HELZ: variants seen among roughly 807,000 people sequenced by gnomAD.
HELZ encodes the protein helicase with zinc finger, also known as ATP-dependent RNA helicase with zinc finger domain.
A neutral mutation model predicts 218.2 loss-of-function variants in HELZ; 23 were observed. The observed-to-expected ratio is 0.11, with a 90% CI of 0.08 to 0.15. The LOEUF (loss-of-function observed/expected upper bound fraction) is 0.15. Among genes scored for constraint, HELZ ranks in the 10% least tolerant of loss-of-function variants. HELZ has a pLI of 1.00. For missense variants in HELZ, 1,813 were observed against 2,353.7 expected (o/e 0.77, Z 4.75); for synonymous variants, 814 against 829.4 (o/e 0.98, Z 0.32).
chr17:67,127,234 G>A (rs968026489), intron 24 of HELZ, among the ~76,000 whole-genome samples: 4 of 152,128 alleles, frequency 2.6e-5, no homozygotes, highest in African/African-American at 4.8e-5. Flanking sequence ...CATGGCCACA[G>A]GCGGACTCGG....
chr17:67,085,148 G>A (rs1384767701), intron 32 of HELZ, among the ~76,000 whole-genome samples: 1 of 152,110 alleles, frequency 6.6e-6, no homozygotes, highest in African/African-American at 2.4e-5. Context: ...GCCAGGCATG[G>A]TGGCTCATGC....
rs1350887713 is a variant in HELZ, at chr17:67,112,555, C to G, written c.3918+1769G>C. Among the ~76,000 whole-genome samples the G allele has an allele frequency of 2.0e-5, 3 of 152,226 alleles. No individual in the cohort carries two copies. In the East Asian group the frequency reaches 5.8e-4, roughly 29 times the overall value. ...GGCTGCCTCATTTGTACTGCAGCCC[C>G]TCCAGTGGGTACTGAATCCTTCCAT... On this transcript the variant is annotated intron_variant, in intron 28 of 32. Transcript: ENST00000358691.
Position 67,109,662 on chromosome 17 carries a change from T to C in HELZ, c.3943A>G (p.Asn1315Asp). The change falls in exon 29 of 33, where the codon AAC (asparagine) becomes GAC (aspartate). Residue 1315 changes from asparagine to aspartate, a missense_variant. Physicochemically the swap from Asn to Asp is conservative, Grantham distance 23 (BLOSUM62 1). Coordinates refer to ENST00000358691, the MANE Select transcript of HELZ (RefSeq NM_014877.4). ...CTAGGACGTGATTCAGGACTTCTGT[T>C]CTGTGGATTTGATTCCAAATCAACC... ...KQVDLESNPQ[N>D]RSPESRPSVV... 6.2e-7 allele frequency: 1 copy of C among 1,607,772 alleles called. No individual in the cohort carries two copies. Among genetic ancestry groups the C allele is most frequent in the Non-Finnish European group, 8.5e-7 (1 of 1,175,690 alleles).
intron 5 of HELZ, among the ~76,000 whole-genome samples, chr17:67,207,461 C>T (rs1305936369): frequency 6.6e-6 from 1 of 151,840 alleles, no homozygotes; most frequent in Non-Finnish European, 1.5e-5. Flanking sequence ...CTCAGGTGAT[C>T]CACTCACCTC....
chr17:67,116,103 T>C (rs1253632658), intron 27 of HELZ, among the ~76,000 whole-genome samples: 2 of 151,964 alleles, frequency 1.3e-5, no homozygotes, highest in Admixed American at 6.6e-5. Flanking sequence ...AATTGGAAAG[T>C]AGTCTGTGAT....
intron 31 of HELZ, among the ~76,000 whole-genome samples, chr17:67,103,339 T>C (rs1266238493): frequency 6.6e-6 from 1 of 152,126 alleles, no homozygotes; most frequent in Admixed American, 6.5e-5. Flanking sequence ...GTAGATGACA[T>C]TATCTTCCAT....
rs1382633598 is a variant in HELZ, at chr17:67,179,242, A to C, written c.1163-316T>G. On this transcript the variant is annotated intron_variant, in intron 12 of 32. Transcript: ENST00000358691. ...TAACTCTTCAGTCAAGAGAAATTTG[A>C]ATCTGCGTGAAAAAGATATGATAAA... Among the ~76,000 whole-genome samples the C allele has an allele frequency of 2.6e-5, 4 of 152,302 alleles. No homozygotes were observed. The East Asian group carries it at 7.7e-4, about 29-fold the overall frequency.
chr17:67,127,693 A>G (rs928277568), intron 24 of HELZ, among the ~76,000 whole-genome samples: 1 of 152,056 alleles, frequency 6.6e-6, no homozygotes, highest in African/African-American at 2.4e-5. Flanking sequence ...CGAAAAATAC[A>G]AAAGTTAGCC....
chr17:67,094,778 G>A (rs1341703962), intron 31 of HELZ, among the ~76,000 whole-genome samples: 2 of 152,100 alleles, frequency 1.3e-5, no homozygotes, highest in Non-Finnish European at 2.9e-5. Context: ...TCCAGCCTGT[G>A]CAACATAGTG....
chr17:67,219,983 C>T (rs916269123), intron 3 of HELZ, among the ~76,000 whole-genome samples: 1 of 152,350 alleles, frequency 6.6e-6, no homozygotes, highest in South Asian at 2.1e-4. Context: ...AAGAGTCACT[C>T]TTGCTGACCA....
intron 27 of HELZ, chr17:67,120,127 C>T: frequency 5.3e-6 from 2 of 374,396 alleles, no homozygotes; most frequent in South Asian, 2.2e-5. Context: ...CCTCAGCCTC[C>T]CAAGTAGCTG....
intron 25 of HELZ, 37 bp downstream of exon 25, chr17:67,123,926 T>C (rs2037701578): frequency 1.3e-6 from 2 of 1,514,786 alleles, no homozygotes; most frequent in Admixed American, 1.7e-5. Context: ...TCTTACATCA[T>C]AAAAGCAAGT....
rs775759062 is a variant in HELZ at position 67,160,963 on chromosome 17, T to C, written c.2009A>G (p.Tyr670Cys). 1.2e-6 allele frequency: 2 copies of C among 1,613,772 alleles called. No homozygotes were observed. Among genetic ancestry groups the C allele is most frequent in the Non-Finnish European group, 1.7e-6 (2 of 1,179,806 alleles). ...TAGAGTGAACGTTTTGCCTGTCCCA[T>C]AGGGTCCGATGATAAGCACAGGCGG... The part of the protein sequence containing the change: ...QLPPVLIIGP[Y>C]GTGKTFTLAQ... The change falls in exon 16 of 33, where the codon TAT becomes TGT. Residue 670 changes from tyrosine (Y) to cysteine (C), a missense_variant. By Grantham distance (194) the Tyr-to-Cys change is radical. This residue lies in a region of HELZ where 714 missense variants were observed against 1,029.2 expected (regional missense o/e 0.69). Transcript: ENST00000358691.
upstream of HELZ, chr17:67,245,266 C>T (rs2041452616): frequency 1.0e-6 from 1 of 961,414 alleles, no homozygotes; most frequent in Non-Finnish European, 1.2e-6. Flanking sequence ...CTCCCGCCGC[C>T]GGCGCCGCCC....
At chr17:67,129,854 TA>T (rs1372564974) in intron 23 of HELZ, among the ~76,000 whole-genome samples, 1 of 152,108 alleles carries the variant, frequency 6.6e-6, no homozygotes, top group East Asian at 1.9e-4. Context: ...ATGACTATTA[TA>T]AATATGCATA....
intron 13 of HELZ, among the ~76,000 whole-genome samples, chr17:67,168,949 A>G (rs1317250093): frequency 6.6e-6 from 1 of 152,104 alleles, no homozygotes; most frequent in East Asian, 1.9e-4. Flanking sequence ...AAAATTAGCC[A>G]GGTGTGGTGG....
At chr17:67,092,242 C>G (rs2036593662) in intron 31 of HELZ, among the ~76,000 whole-genome samples, 1 of 151,940 alleles carries the variant, frequency 6.6e-6, no homozygotes. Flanking sequence ...CAATCAAGAC[C>G]ATGAGCCTCG....
intron 23 of HELZ, among the ~76,000 whole-genome samples, chr17:67,134,437 A>G (rs1479105418): frequency 6.6e-6 from 1 of 152,156 alleles, no homozygotes; most frequent in African/African-American, 2.4e-5. Context: ...AGTGACTACA[A>G]ATGCATGGCA....
intron 14 of HELZ, 30 bp downstream of exon 14, chr17:67,167,433 C>G (rs1347060206): frequency 6.6e-7 from 1 of 1,503,798 alleles, no homozygotes; most frequent in South Asian, 1.2e-5. Context: ...CTACAGACCA[C>G]TATGGTTAAG....
Sources: allele counts gnomAD v4.1 joint callset (sites outside exome capture counted in the v4.1 genomes callset), GRCh38; gene constraint gnomAD v4.1.1; regional missense constraint gnomAD v4.1.1; transcripts MANE v1.5; gene names NCBI Gene and HGNC (gene_info 2026-07-23, HGNC 2026-07-21).